DHX8: variants seen among roughly 807,000 people sequenced by gnomAD.
DHX8 encodes ATP-dependent RNA helicase DHX8.
In DHX8, 67 loss-of-function variants were observed where a neutral mutation model predicts 140.7. The ratio of observed to expected loss-of-function variants is 0.48; its 90% CI spans 0.39 to 0.58. DHX8 has a LOEUF of 0.58. Among genes scored for constraint, DHX8 ranks in the 20% least tolerant of loss-of-function variants. The pLI is 0.00. For missense variants in DHX8, 887 were observed against 1,550.7 expected, an observed-to-expected ratio of 0.57 and a Z score of 7.19; for synonymous variants, 533 against 553.2, an observed-to-expected ratio of 0.96 and a Z score of 0.51.
At chr17:43,520,000 C>T (rs1481183293) in intron 18 of DHX8, 130 bp from the exon 19 acceptor site, 12 of 960,908 alleles carry the variant, frequency 1.2e-5, no homozygotes, top group South Asian at 7.5e-5. Context: ...TGGAAGTTAC[C>T]GCCAGTCTCA....
chr17:43,507,424 G>A, intron 13 of DHX8, 79 bp from the exon 14 acceptor site: 3 of 1,356,434 alleles, frequency 2.2e-6, no homozygotes, highest in East Asian at 2.4e-5. Flanking sequence ...GAGTGAGAGT[G>A]ACTGGGCTGA....
chr17:43,488,324 C>A (rs547769638), intron 1 of DHX8, among the ~76,000 whole-genome samples: 1 of 150,554 alleles, frequency 6.6e-6, no homozygotes, highest in Admixed American at 6.6e-5. Context: ...AAGAACTAGG[C>A]AGGTGTGCCG....
chr17:43,536,359 C>T (rs1419865090), intron 2 of DHX8: 1 of 1,389,584 alleles, frequency 7.2e-7, no homozygotes, highest in Non-Finnish European at 1.0e-6. Flanking sequence ...TTGTGATTCT[C>T]TATCCTATGA....
chr17:43,528,614 C>G (rs768464501), downstream of DHX8: 1 of 1,614,194 alleles, frequency 6.2e-7, no homozygotes, highest in Non-Finnish European at 8.5e-7. Flanking sequence ...GACAAAGGGA[C>G]TGTGTCCTCC....
At position 43,492,649 on chromosome 17, in the gene DHX8, C is replaced by A. The variant is rs777894602; in HGVS notation, c.504-32C>A. 1.5e-5 allele frequency: 20 copies of A among 1,341,262 alleles called. No homozygotes were observed. The South Asian group carries it at 2.4e-4, about 16-fold the overall frequency. The allele number at this position is 1,341,262 out of a possible 1,614,324, so 83.1% of individuals were successfully genotyped here. A position where few individuals can be genotyped will look rare whatever the true frequency, so the allele number is the denominator to read the frequency against. ...TGCGAAGATGAAATCGGATTGGTTT[C>A]TTTTTTAAACAGGTGCTTATTGATT... is the stretch of plus-strand genomic sequence containing the variant. On this transcript the variant is annotated intron_variant, in intron 5 of 22. Coordinates refer to ENST00000262415, the MANE Select transcript of DHX8 (RefSeq NM_004941.3).
At chr17:43,528,287 A>T, downstream of DHX8, 1 of 453,278 alleles carries the variant, frequency 2.2e-6, no homozygotes, top group Non-Finnish European at 3.9e-6. Flanking sequence ...TCCAGGGCCC[A>T]GGTGAAACCC....
chr17:43,533,102 C>T, intron 2 of DHX8: 1 of 1,548,726 alleles, frequency 6.5e-7, no homozygotes, highest in Non-Finnish European at 8.8e-7. Context: ...CCTCTACCAC[C>T]CCACAGCTCA....
rs770123827 is a variant in DHX8, at chr17:43,500,065, T to C, written c.1508T>C (p.Met503Thr). ...GAAGCTGAGATGGATTCTATTCCCA[T>C]GGGACTCAACAAACACTGGGTTGAC... ...QREAEMDSIP[M>T]GLNKHWVDPL... The change falls in exon 11 of 23, where the codon ATG becomes ACG. Residue 503 changes from methionine to threonine, a missense_variant. Met to Thr is a moderately conservative substitution (Grantham distance 81). This residue lies in a region of DHX8 where 178 missense variants were observed against 398.5 expected (regional missense o/e 0.45). Transcript: ENST00000262415. The C allele has an allele frequency of 7.7e-5, 124 of 1,614,066 alleles. 2 individuals carry two copies. The East Asian group carries it at 2.5e-3, about 32-fold the overall frequency.
chr17:43,493,243 G>C (rs1968643655), intron 6 of DHX8, among the ~76,000 whole-genome samples: 1 of 152,194 alleles, frequency 6.6e-6, no homozygotes, highest in Non-Finnish European at 1.5e-5. Flanking sequence ...TCCTTTGCTT[G>C]TTGGGACAGA....
At chr17:43,530,397 G>C, downstream of DHX8, 1 of 1,430,626 alleles carries the variant, frequency 7.0e-7, no homozygotes, top group Non-Finnish European at 9.1e-7. Context: ...GAGGGCTGCG[G>C]CTGAGGCCAT....
chr17:43,534,328 A>G (rs1249286842), intron 2 of DHX8, among the ~76,000 whole-genome samples: 1 of 151,334 alleles, frequency 6.6e-6, no homozygotes, highest in Non-Finnish European at 1.5e-5. Flanking sequence ...TGTCTCTACT[A>G]AAAATACAAA....
At chr17:43,535,375 T>G (rs1971186799) in intron 2 of DHX8, among the ~76,000 whole-genome samples, 1 of 152,168 alleles carries the variant, frequency 6.6e-6, no homozygotes, top group African/African-American at 2.4e-5. Context: ...CCTCCCAGGT[T>G]CAAGCGATTC....
Position 43,532,791 on chromosome 17 carries a change from G to T in DHX8, c.351-3621G>T, listed in dbSNP as rs1476041750. The T allele has an allele frequency of 9.3e-6, 15 of 1,613,928 alleles. No individual in the cohort carries two copies. Among genetic ancestry groups the T allele is most frequent in the Non-Finnish European group, 1.3e-5 (15 of 1,180,016 alleles). Reference sequence around the variant, plus strand: ...GGCTGGCCCGCCTGTTCATACAGGGGATCATGGTATTCTTGCTTAAAGCTC... The same window carrying T: ...GGCTGGCCCGCCTGTTCATACAGGGTATCATGGTATTCTTGCTTAAAGCTC... On this transcript the variant is annotated intron_variant, in intron 2 of 3. Coordinates refer to the DHX8 transcript ENST00000589898.
At chr17:43,489,205 G>A (rs567841835) in intron 1 of DHX8, among the ~76,000 whole-genome samples, 40 of 152,142 alleles carry the variant, frequency 2.6e-4, no homozygotes, top group African/African-American at 8.4e-4. Flanking sequence ...GGGTTTCACT[G>A]TGTTAGCCAG....
In DHX8 at chr17:43,524,911, G is replaced by A; in HGVS notation, c.*1064G>A. 2.0e-6 allele frequency: 2 copies of A among 984,890 alleles called. No homozygotes were observed. The highest frequency in any genetic ancestry group is 2.3e-4 in the East Asian group (2 of 8,788). The allele number at this position is 984,890 out of a possible 1,614,324, so 61.0% of individuals were successfully genotyped here. A position where few individuals can be genotyped will look rare whatever the true frequency, so the allele number is the denominator to read the frequency against. ...GTGGTTTTTTCCTAGCACTTGCTTG[G>A]AGAATAGCCACCTCCTTGTGCCCTC... is the stretch of plus-strand genomic sequence containing the variant. On this transcript the variant is annotated 3_prime_UTR_variant, in exon 23 of 23. Transcript: ENST00000262415.
intron 22 of DHX8, among the ~76,000 whole-genome samples, chr17:43,522,696 C>A (rs1327089396): frequency 2.3e-5 from 3 of 129,304 alleles, no homozygotes; most frequent in Non-Finnish European, 4.8e-5. Context: ...TGCAGTGAGC[C>A]GAAATCACCC....
At chr17:43,530,574 T>TCAG (rs1398678301), downstream of DHX8, 6 of 469,796 alleles carry the variant, frequency 1.3e-5, no homozygotes, top group East Asian at 3.0e-4. Flanking sequence ...AAATGTCCGG[T>TCAG]CAGCAGGTCA....
chr17:43,496,156 A>C (rs1968844516), intron 8 of DHX8, 25 bp from the exon 9 acceptor site: 2 of 1,592,132 alleles, frequency 1.3e-6, no homozygotes, highest in East Asian at 4.5e-5. Flanking sequence ...CAGGTTACAA[A>C]TGCTGCCTTC....
downstream of DHX8, chr17:43,529,013 TCTGA>T (rs1195221759): frequency 2.0e-5 from 20 of 979,674 alleles, no homozygotes; most frequent in Non-Finnish European, 3.0e-5. Context: ...TTCTTGTCTC[TCTGA>T]CTGATTCATT....
Sources: gnomAD v4.1 joint callset for allele counts (sites outside exome capture counted in the v4.1 genomes callset) on GRCh38, gnomAD v4.1.1 for gene constraint, gnomAD v4.1.1 regional missense constraint, MANE v1.5 for transcripts, NCBI Gene and HGNC (gene_info 2026-07-23, HGNC 2026-07-21) for gene names.